NYAP2: variants seen among roughly 807,000 people sequenced by gnomAD.
NYAP2 encodes the protein neuronal tyrosine-phosphorylated phosphoinositide-3-kinase adapter 2.
Under a neutral mutation model 50.4 loss-of-function variants are expected in NYAP2, and 23 were observed. The ratio of observed to expected loss-of-function variants is 0.46; its 90% CI spans 0.33 to 0.65. NYAP2 has a LOEUF of 0.65. Among genes scored for constraint, NYAP2 ranks in the 30% least tolerant of loss-of-function variants. The pLI, the probability that NYAP2 is intolerant of heterozygous loss-of-function variation, is 0.02. For missense variants in NYAP2, 885 were observed against 861.0 expected, an observed-to-expected ratio of 1.03 and a Z score of -0.35; for synonymous variants, 394 against 365.2, an observed-to-expected ratio of 1.08 and a Z score of -0.90.
chr2:225,621,741 G>C (rs1693107684), intron 5 of NYAP2, among the ~76,000 whole-genome samples: 1 of 150,544 alleles, frequency 6.6e-6, no homozygotes, highest in South Asian at 2.1e-4. Flanking sequence ...TTAAGTTCTG[G>C]CATACATGTG....
At chr2:225,472,651 C>T (rs1394348046) in intron 3 of NYAP2, among the ~76,000 whole-genome samples, 1 of 152,094 alleles carries the variant, frequency 6.6e-6, no homozygotes, top group African/African-American at 2.4e-5. Flanking sequence ...AGTTCATCAT[C>T]GTTAGAAACA....
the NYAP2 span, among the ~76,000 whole-genome samples, chr2:225,679,492 TG>T: frequency 7.7e-3 from 890 of 115,494 alleles, 10 homozygotes; most frequent in African/African-American, 0.026. Flanking sequence ...AGCTTCTAAT[TG>T]TTTTTTTTTT....
intron 6 of NYAP2, among the ~76,000 whole-genome samples, chr2:225,633,177 A>G (rs1693351787): frequency 6.6e-6 from 1 of 152,230 alleles, no homozygotes; most frequent in African/African-American, 2.4e-5. Context: ...ACCCTGACAG[A>G]AGTGTTTTTG....
At chr2:225,598,270 A>G (rs751573156) in intron 5 of NYAP2, among the ~76,000 whole-genome samples, 21 of 152,206 alleles carry the variant, frequency 1.4e-4, no homozygotes, top group Admixed American at 2.6e-4. Context: ...AAAAGCTTCA[A>G]TATCACTGGG....
intron 3 of NYAP2, among the ~76,000 whole-genome samples, chr2:225,453,319 T>G (rs1271413184): frequency 1.3e-5 from 2 of 152,182 alleles, no homozygotes; most frequent in East Asian, 1.9e-4. Flanking sequence ...TATCAGTGCT[T>G]CTCAGACTCT....
chr2:225,518,287 T>G (rs948973030), intron 4 of NYAP2, among the ~76,000 whole-genome samples: 1 of 151,530 alleles, frequency 6.6e-6, no homozygotes, highest in Non-Finnish European at 1.5e-5. Context: ...TGATCTTACA[T>G]GTAAAGTGTA....
intron 4 of NYAP2, among the ~76,000 whole-genome samples, chr2:225,534,939 G>T (rs1313715993): frequency 6.6e-6 from 1 of 152,192 alleles, no homozygotes; most frequent in African/African-American, 2.4e-5. Flanking sequence ...CTATGGAACT[G>T]TGCAAGGCAG....
intron 3 of NYAP2, among the ~76,000 whole-genome samples, chr2:225,419,669 T>TTATA (rs963478278): frequency 1.3e-5 from 2 of 152,172 alleles, no homozygotes; most frequent in Non-Finnish European, 2.9e-5. Context: ...AGTCAACATA[T>TTATA]TATAGAATTG....
intron 5 of NYAP2, among the ~76,000 whole-genome samples, chr2:225,622,782 G>C (rs926959895): frequency 6.6e-6 from 1 of 151,802 alleles, no homozygotes; most frequent in East Asian, 1.9e-4. Flanking sequence ...GTTTCACCAT[G>C]TTGGCCAGGC....
At chr2:225,405,186 C>T (rs1052862904) in intron 2 of NYAP2, among the ~76,000 whole-genome samples, 1 of 151,990 alleles carries the variant, frequency 6.6e-6, no homozygotes. Context: ...AAAGGGATGC[C>T]TGTAGAAAAG....
At chr2:225,675,351 G>C in the NYAP2 span, among the ~76,000 whole-genome samples, 1 of 152,012 alleles carries the variant, frequency 6.6e-6, no homozygotes, top group Non-Finnish European at 1.5e-5. Context: ...ATACATTCAT[G>C]TGTAGTCACT....
chr2:225,523,425 G>A (rs1691100306), intron 4 of NYAP2, among the ~76,000 whole-genome samples: 2 of 151,480 alleles, frequency 1.3e-5, no homozygotes, highest in Admixed American at 1.3e-4. Context: ...AATTTTATAT[G>A]TATATATATC....
chr2:225,400,872 G>A lies in NYAP2; in HGVS notation c.-189G>A, dbSNP rs193023431. 3.3e-5 allele frequency: 5 copies of A among 152,596 alleles called. No homozygotes were observed. The East Asian group carries it at 9.7e-4, about 30-fold the overall frequency. The allele number at this position is 152,596 out of a possible 1,614,324, so 9.5% of individuals were successfully genotyped here. On this transcript the variant is annotated 5_prime_UTR_variant, in exon 2 of 7. Coordinates refer to ENST00000636099, the Ensembl canonical transcript of NYAP2. ...TGGGAGTCGACACTTTTCCCATCCAGACACAATGCACTTTAATTGAAGAAA... is the reference window on the plus strand; with the variant it reads ...TGGGAGTCGACACTTTTCCCATCCAAACACAATGCACTTTAATTGAAGAAA...
intron 4 of NYAP2, among the ~76,000 whole-genome samples, chr2:225,575,754 G>C (rs1209142023): frequency 6.6e-6 from 1 of 152,166 alleles, no homozygotes; most frequent in East Asian, 1.9e-4. Context: ...TGTAGGTATA[G>C]GGAGAAAAAG....
intron 4 of NYAP2, among the ~76,000 whole-genome samples, chr2:225,536,552 G>T (rs983378122): frequency 1.3e-5 from 2 of 151,912 alleles, no homozygotes; most frequent in South Asian, 2.1e-4. Flanking sequence ...CATTTTTTGA[G>T]TATATAGTAG....
exon 7 of NYAP2, chr2:225,653,056 G>A (rs1442094242): frequency 2.0e-5 from 3 of 152,122 alleles, no homozygotes; most frequent in African/African-American, 7.2e-5. Context: ...TATAAAAGAA[G>A]TAGAAACAGT....
At chr2:225,583,074 G>A (rs768802865) in intron 5 of NYAP2, 39 bp downstream of exon 5, 13 of 1,585,246 alleles carry the variant, frequency 8.2e-6, no homozygotes, top group Non-Finnish European at 9.4e-6. Context: ...AGAGCCCAGT[G>A]CCAGGCTTAC....
At chr2:225,585,109 G>A (rs1692366287) in intron 5 of NYAP2, among the ~76,000 whole-genome samples, 1 of 152,174 alleles carries the variant, frequency 6.6e-6, no homozygotes, top group Non-Finnish European at 1.5e-5. Context: ...GAAAACCCTG[G>A]TCTAGATAAT....
intron 3 of NYAP2, among the ~76,000 whole-genome samples, chr2:225,412,559 T>G (rs1452786116): frequency 6.6e-6 from 1 of 152,004 alleles, no homozygotes; most frequent in African/African-American, 2.4e-5. Context: ...CCAAACCTGG[T>G]TCTCTAAAGT....
Sources: allele counts gnomAD v4.1 joint callset (sites outside exome capture counted in the v4.1 genomes callset), GRCh38; gene constraint gnomAD v4.1.1; transcripts MANE v1.5; gene names NCBI Gene and HGNC (gene_info 2026-07-23, HGNC 2026-07-21).